RSPO2: variants seen among roughly 807,000 people sequenced by gnomAD.
The protein encoded by RSPO2 is R-spondin-2.
RSPO2 carries 14 observed loss-of-function variants against 30.9 expected under a neutral mutation model. That is an observed-to-expected ratio of 0.45 (90% CI 0.30 to 0.71). The LOEUF (loss-of-function observed/expected upper bound fraction) is 0.71, where lower values mean the gene tolerates loss of function less well. Ranked by LOEUF, RSPO2 falls within the 30% of genes least tolerant of loss-of-function variation. The pLI is 0.08. For missense variants in RSPO2, 264 were observed against 301.9 expected, an observed-to-expected ratio of 0.87 and a Z score of 0.93; for synonymous variants, 107 against 96.4, an observed-to-expected ratio of 1.11 and a Z score of -0.64.
At chr8:107,943,015 C>T (rs1018789411) in intron 5 of RSPO2, among the ~76,000 whole-genome samples, 2 of 152,228 alleles carry the variant, frequency 1.3e-5, no homozygotes, top group African/African-American at 2.4e-5. Flanking sequence ...ACTTGACACT[C>T]ATCAAAATTC....
chr8:108,047,936 A>G (rs1428785669), intron 2 of RSPO2, among the ~76,000 whole-genome samples: 1 of 151,922 alleles, frequency 6.6e-6, no homozygotes, highest in Non-Finnish European at 1.5e-5. Context: ...GGGCAGGTTA[A>G]GAGATTGACA....
At chr8:107,977,666 T>C (rs916581052) in intron 3 of RSPO2, among the ~76,000 whole-genome samples, 3 of 152,156 alleles carry the variant, frequency 2.0e-5, no homozygotes, top group African/African-American at 7.2e-5. Context: ...GTGGTCCTGT[T>C]TGCCATTCAC....
At chr8:107,982,621 A>G (rs1207901161) in intron 3 of RSPO2, among the ~76,000 whole-genome samples, 1 of 152,166 alleles carries the variant, frequency 6.6e-6, no homozygotes, top group Non-Finnish European at 1.5e-5. Flanking sequence ...GGAAGAAGAG[A>G]ATGAGTGTAT....
At chr8:107,953,738 T>C (rs1414821999) in intron 5 of RSPO2, among the ~76,000 whole-genome samples, 49 of 152,190 alleles carry the variant, frequency 3.2e-4, no homozygotes, top group Non-Finnish European at 1.5e-5. Context: ...AGAGCCTCCA[T>C]GGAGCTCAGT....
intron 2 of RSPO2, among the ~76,000 whole-genome samples, chr8:107,998,535 A>T (rs990495135): frequency 1.3e-5 from 2 of 152,224 alleles, no homozygotes; most frequent in Admixed American, 1.3e-4. Context: ...TAAAGACAAC[A>T]AATTTTAATG....
chr8:107,902,930 T>C (rs1257335232), intron 5 of RSPO2, among the ~76,000 whole-genome samples: 2 of 152,114 alleles, frequency 1.3e-5, no homozygotes, highest in Non-Finnish European at 1.5e-5. Flanking sequence ...CAGTTTGCCA[T>C]CTTGAAACGT....
intron 2 of RSPO2, among the ~76,000 whole-genome samples, chr8:108,047,776 G>A (rs1221676603): frequency 4.0e-5 from 6 of 151,638 alleles, no homozygotes; most frequent in Non-Finnish European, 8.8e-5. Context: ...GCTTGAACCC[G>A]GGAGGCAGAG....
chr8:108,004,155 T>C (rs1048838869), intron 2 of RSPO2, among the ~76,000 whole-genome samples: 1 of 152,192 alleles, frequency 6.6e-6, no homozygotes, highest in Non-Finnish European at 1.5e-5. Flanking sequence ...GTAAAACTGC[T>C]GATCCATCAA....
chr8:108,018,177 A>C (rs1810952663), intron 2 of RSPO2, among the ~76,000 whole-genome samples: 1 of 152,242 alleles, frequency 6.6e-6, no homozygotes, highest in South Asian at 2.1e-4. Flanking sequence ...CAAGAATCAG[A>C]GTTAAGACAG....
intron 3 of RSPO2, among the ~76,000 whole-genome samples, chr8:107,985,010 A>G (rs1814576773): frequency 6.6e-6 from 1 of 152,196 alleles, no homozygotes; most frequent in South Asian, 2.1e-4. Context: ...TTTTTTAATT[A>G]CTAAAAACAT....
At chr8:107,925,436 G>A (rs1013484613) in intron 5 of RSPO2, among the ~76,000 whole-genome samples, 8 of 151,340 alleles carry the variant, frequency 5.3e-5, no homozygotes, top group African/African-American at 1.9e-4. Context: ...TTAAGTTCTA[G>A]GGTACATGTG....
intron 3 of RSPO2, among the ~76,000 whole-genome samples, chr8:107,986,823 C>T (rs1255183961): frequency 6.6e-6 from 1 of 152,148 alleles, no homozygotes; most frequent in East Asian, 1.9e-4. Context: ...AACCACCACC[C>T]CCGCCATAGG....
chr8:107,981,495 T>C (rs926399669), intron 3 of RSPO2, among the ~76,000 whole-genome samples: 1 of 151,440 alleles, frequency 6.6e-6, no homozygotes, highest in African/African-American at 2.4e-5. Context: ...CACTCCAGCC[T>C]GGGAGACAAA....
At position 108,007,547 on chromosome 8, in the gene RSPO2, G is replaced by A. The variant is rs117728883; in HGVS notation, c.95-18303C>T. ...TGATGTGATGCAACAGAGAGTACAC[G>A]TCTGCAGAAAAGTCTTGTCAAAGAC... is the stretch of plus-strand genomic sequence containing the variant. On this transcript the variant is annotated intron_variant, in intron 2 of 5. Coordinates refer to ENST00000276659, the MANE Select transcript of RSPO2 (RefSeq NM_178565.5). 1.1e-4 allele frequency among the ~76,000 whole-genome samples: 17 copies of A among 152,260 alleles called. No individual in the cohort carries two copies. The East Asian group carries it at 1.2e-3, about 10-fold the overall frequency.
chr8:108,037,623 A>C (rs1350464915), intron 2 of RSPO2, among the ~76,000 whole-genome samples: 1 of 152,210 alleles, frequency 6.6e-6, no homozygotes, highest in Non-Finnish European at 1.5e-5. Context: ...GCCACCCAGG[A>C]TTTTCATAGC....
rs372713360 is a variant in RSPO2 at position 107,921,983 on chromosome 8, C to T, written c.617-20793G>A. ...ATAAGAGCCATCTATGACAAATCCA[C>T]AGCCAATGTCATACTGAATGGGCAA... is the stretch of plus-strand genomic sequence containing the variant. On this transcript the variant is annotated intron_variant, in intron 5 of 5. Coordinates refer to ENST00000276659, the MANE Select transcript of RSPO2 (RefSeq NM_178565.5). Among the ~76,000 whole-genome samples the T allele has an allele frequency of 1.9e-4, 29 of 152,294 alleles. No homozygotes were observed. In the East Asian group the frequency reaches 4.0e-3, roughly 21 times the overall value.
chr8:107,916,171 CTT>C (rs1477532427), intron 5 of RSPO2, among the ~76,000 whole-genome samples: 1 of 152,148 alleles, frequency 6.6e-6, no homozygotes, highest in South Asian at 2.1e-4. Flanking sequence ...ACTTTAATGA[CTT>C]TTTCTTCATG....
At chr8:108,025,326 C>CAG (rs991261469) in intron 2 of RSPO2, among the ~76,000 whole-genome samples, 2 of 152,102 alleles carry the variant, frequency 1.3e-5, no homozygotes, top group African/African-American at 4.8e-5. Flanking sequence ...CACATTGTGC[C>CAG]AGAGAGAACC....
chr8:108,041,347 C>T (rs1042866025), intron 2 of RSPO2, among the ~76,000 whole-genome samples: 2 of 151,672 alleles, frequency 1.3e-5, no homozygotes, highest in Admixed American at 1.3e-4. Context: ...TAATGTATGA[C>T]ATTAAGAATA....
Sources: gnomAD v4.1 joint callset for allele counts (sites outside exome capture counted in the v4.1 genomes callset) on GRCh38, gnomAD v4.1.1 for gene constraint, MANE v1.5 for transcripts, NCBI Gene and HGNC (gene_info 2026-07-23, HGNC 2026-07-21) for gene names.